Variants in ERC2 observed in about 807,000 individuals in gnomAD.
The protein encoded by ERC2 is ELKS/RAB6-interacting/CAST family member 2, also known as ERC protein 2.
ERC2 carries 42 observed loss-of-function variants against 114.8 expected under a neutral mutation model. That is an observed-to-expected ratio of 0.37 (90% confidence interval 0.29 to 0.47). The LOEUF (loss-of-function observed/expected upper bound fraction) is 0.47, where lower values mean the gene tolerates loss of function less well. Ranked by LOEUF, ERC2 falls within the 20% of genes least tolerant of loss-of-function variation. The pLI is 0.99. For synonymous variants in ERC2, 454 were observed against 425.5 expected, an observed-to-expected ratio of 1.07 and a Z score of -0.82; for missense variants, 939 against 1,150.7, an observed-to-expected ratio of 0.82 and a Z score of 2.66.
At chr3:55,964,116 C>T (rs1487547184) in intron 12 of ERC2, among the ~76,000 whole-genome samples, 1 of 152,182 alleles carries the variant, frequency 6.6e-6, no homozygotes, top group Non-Finnish European at 1.5e-5. Flanking sequence ...AAGCATCTTC[C>T]ATGTTCAAAT....
At chr3:55,877,276 G>A (rs544080895) in intron 14 of ERC2, among the ~76,000 whole-genome samples, 1 of 152,170 alleles carries the variant, frequency 6.6e-6, no homozygotes, top group East Asian at 1.9e-4. Flanking sequence ...CTTGCCAAAG[G>A]TTCCCCTGAT....
chr3:55,939,515 C>T (rs930511412), intron 13 of ERC2, among the ~76,000 whole-genome samples: 1 of 152,166 alleles, frequency 6.6e-6, no homozygotes, highest in East Asian at 1.9e-4. Flanking sequence ...GTATTCTTAA[C>T]CTAAAAGAAT....
chr3:55,963,826 C>T (rs555029476), intron 12 of ERC2, among the ~76,000 whole-genome samples: 1 of 152,268 alleles, frequency 6.6e-6, no homozygotes, highest in South Asian at 2.1e-4. Context: ...TGGAGGAAAC[C>T]AACATTCCGC....
At chr3:56,395,934 G>A (rs35033578) in intron 2 of ERC2, among the ~76,000 whole-genome samples, 52,432 of 152,062 alleles carry the variant, frequency 0.34, 9,291 homozygotes, top group African/African-American at 0.39. Context: ...GTGAACAGAC[G>A]GTTCACCAGA....
chr3:56,068,530 G>C (rs2076584547), intron 7 of ERC2, among the ~76,000 whole-genome samples: 1 of 151,492 alleles, frequency 6.6e-6, no homozygotes, highest in African/African-American at 2.4e-5. Flanking sequence ...AGGATCTTTT[G>C]TGTCTCTATC....
At chr3:55,598,308 C>T (rs1388324163) in intron 17 of ERC2, among the ~76,000 whole-genome samples, 1 of 152,204 alleles carries the variant, frequency 6.6e-6, no homozygotes, top group Non-Finnish European at 1.5e-5. Flanking sequence ...TCAAAATCAG[C>T]TGTGTGGCCA....
At chr3:55,834,619 A>G (rs2060785783) in intron 14 of ERC2, among the ~76,000 whole-genome samples, 1 of 151,444 alleles carries the variant, frequency 6.6e-6, no homozygotes, top group Non-Finnish European at 1.5e-5. Context: ...CAGTGTGTAG[A>G]GGGAAATTTA....
In ERC2 at chr3:56,296,249, T is replaced by G. The variant is rs1362727692; in HGVS notation, c.844A>C (p.Lys282Gln). ...CTCAGCTCCATTTCCTCTAATGTCTTCCTCAAAAGGAACAGCTCCTTAGCC... is the reference window on the plus strand; with the variant it reads ...CTCAGCTCCATTTCCTCTAATGTCTGCCTCAAAAGGAACAGCTCCTTAGCC... ...RQAKELFLLR[K>Q]TLEEMELRIE... The change falls in exon 3 of 18, where the codon AAG becomes CAG. Residue 282 changes from lysine to glutamine, a missense_variant. Lys to Gln is a moderately conservative substitution (Grantham distance 53). Around this residue, in one of 5 missense-constraint regions of ERC2, gnomAD observed 33 missense variants for 75.6 expected, o/e 0.44. Transcript: ENST00000288221. 1 of 1,614,022 alleles carries G rather than the reference T, an allele frequency of 6.2e-7. No individual in the cohort carries two copies. The highest frequency in any genetic ancestry group is 1.3e-5 in the African/African-American group (1 of 75,052).
chr3:56,007,375 C>T (rs1453847192), intron 9 of ERC2, 54 bp from the exon 10 acceptor site: 12 of 1,497,838 alleles, frequency 8.0e-6, no homozygotes, highest in Non-Finnish European at 1.1e-5. Flanking sequence ...ACTAGCAATG[C>T]CTTCAATTTG....
rs539780077 is a variant in ERC2 at position 55,952,177 on chromosome 3, A to T, written c.2268-1617T>A. On this transcript the variant is annotated intron_variant, in intron 12 of 17. Transcript: ENST00000288221. ...CACACACACACACACACACACACAC[A>T]CACTCTCTCTCTCTCTCTCTCTATA... is the stretch of plus-strand genomic sequence containing the variant. Among the ~76,000 whole-genome samples, 293 of 38,676 alleles carry T rather than the reference A, an allele frequency of 7.6e-3. 6 individuals carry two copies. The highest frequency in any genetic ancestry group is 0.015 in the Non-Finnish European group (229 of 15,766). 25.4% of individuals were successfully genotyped at this position (38,676 alleles called of 152,430 possible).
chr3:55,778,832 C>T (rs77530223), intron 14 of ERC2, among the ~76,000 whole-genome samples: 3 of 151,986 alleles, frequency 2.0e-5, no homozygotes, highest in East Asian at 3.9e-4. Flanking sequence ...AGTAAAACAA[C>T]AACAAGTAAA....
At chr3:55,678,797 G>A (rs543854542) in intron 17 of ERC2, among the ~76,000 whole-genome samples, 5 of 152,090 alleles carry the variant, frequency 3.3e-5, no homozygotes, top group Non-Finnish European at 7.4e-5. Context: ...ACCAATAATG[G>A]CCTGCTCCAG....
intron 14 of ERC2, among the ~76,000 whole-genome samples, chr3:55,863,244 A>G (rs1441069299): frequency 1.3e-5 from 2 of 152,148 alleles, no homozygotes; most frequent in Non-Finnish European, 2.9e-5. Flanking sequence ...CCAATCCTCA[A>G]GTGATTCAGA....
At chr3:55,924,569 C>T (rs1576217976) in intron 13 of ERC2, among the ~76,000 whole-genome samples, 1 of 151,960 alleles carries the variant, frequency 6.6e-6, no homozygotes, top group African/African-American at 2.4e-5. Context: ...CCGCAAAAAT[C>T]CTGTGGACCC....
intron 2 of ERC2, among the ~76,000 whole-genome samples, chr3:56,425,566 T>C (rs890599147): frequency 2.9e-5 from 4 of 136,652 alleles, no homozygotes; most frequent in Non-Finnish European, 4.6e-5. Flanking sequence ...TTTTCTTTTT[T>C]TTTTTTTTTT....
intron 17 of ERC2, among the ~76,000 whole-genome samples, chr3:55,577,329 G>T (rs893160640): frequency 6.6e-6 from 1 of 152,074 alleles, no homozygotes; most frequent in Non-Finnish European, 1.5e-5. Flanking sequence ...GTTGAAAGGA[G>T]AAGGCCAGCC....
chr3:56,250,777 T>C (rs544662387), intron 3 of ERC2, among the ~76,000 whole-genome samples: 1 of 152,308 alleles, frequency 6.6e-6, no homozygotes, highest in East Asian at 1.9e-4. Flanking sequence ...TGCCTTCATT[T>C]TCTAAAACTC....
chr3:56,017,557 C>A (rs80033896), intron 8 of ERC2, among the ~76,000 whole-genome samples: 7 of 152,050 alleles, frequency 4.6e-5, no homozygotes, highest in Non-Finnish European at 1.0e-4. Flanking sequence ...CTTGTACTTG[C>A]TCTCCCCTCT....
chr3:55,741,899 T>C (rs1486798589), intron 14 of ERC2, among the ~76,000 whole-genome samples: 2 of 152,110 alleles, frequency 1.3e-5, no homozygotes, highest in East Asian at 3.9e-4. Context: ...AGGGGAATAA[T>C]TTCTTTAACA....
Sources: allele counts gnomAD v4.1 joint callset (sites outside exome capture counted in the v4.1 genomes callset), GRCh38; gene constraint gnomAD v4.1.1; regional missense constraint gnomAD v4.1.1; transcripts MANE v1.5; gene names NCBI Gene and HGNC (gene_info 2026-07-23, HGNC 2026-07-21).